Variants in LINGO2 observed in about 807,000 individuals in gnomAD.
The protein encoded by LINGO2 is leucine rich repeat and Ig domain containing 2.
Under a neutral mutation model 30.6 loss-of-function variants are expected in LINGO2, and 14 were observed. The observed-to-expected ratio is 0.46, with a 90% CI of 0.30 to 0.72. The LOEUF (loss-of-function observed/expected upper bound fraction) is 0.72, where lower values mean the gene tolerates loss of function less well. Ranked by LOEUF, LINGO2 falls within the 30% of genes least tolerant of loss-of-function variation. The probability of loss-of-function intolerance (pLI) is 0.07; values close to 1 mark genes in which losing one functional copy is unlikely to be tolerated. For synonymous variants in LINGO2, 317 were observed against 288.5 expected (o/e 1.10, Z -1.00); for missense variants, 729 against 751.7 (o/e 0.97, Z 0.35).
chr9:28,861,066 T>C, the LINGO2 span, among the ~76,000 whole-genome samples: 1 of 88,468 alleles, frequency 1.1e-5, no homozygotes. Flanking sequence ...ATATGTATTA[T>C]TAATATATAA....
chr9:28,482,356 G>C (rs1826005114), intron 1 of LINGO2, among the ~76,000 whole-genome samples: 1 of 152,094 alleles, frequency 6.6e-6, no homozygotes, highest in Admixed American at 6.5e-5. Flanking sequence ...GTTTTGATTT[G>C]CATTTCTCTG....
At chr9:28,749,200 C>T in the LINGO2 span, among the ~76,000 whole-genome samples, 7 of 152,056 alleles carry the variant, frequency 4.6e-5, no homozygotes, top group East Asian at 1.9e-4. Context: ...ATTTCCCACA[C>T]GCATTAGAAT....
intron 4 of LINGO2, among the ~76,000 whole-genome samples, chr9:28,068,382 T>G (rs184398810): frequency 4.7e-4 from 71 of 152,216 alleles, no homozygotes; most frequent in African/African-American, 1.4e-3. Context: ...GGAGAGAAAA[T>G]GAGCAAGCTC....
intron 4 of LINGO2, among the ~76,000 whole-genome samples, chr9:28,201,591 C>A (rs1210651924): frequency 6.6e-6 from 1 of 150,940 alleles, no homozygotes; most frequent in East Asian, 2.0e-4. Flanking sequence ...TGGGTATATA[C>A]CCAGTAATGG....
At chr9:29,189,512 C>T in the LINGO2 span, among the ~76,000 whole-genome samples, 2 of 151,540 alleles carry the variant, frequency 1.3e-5, no homozygotes, top group Middle Eastern at 3.2e-3. Flanking sequence ...GGCAGAGGTG[C>T]TCCCCACATC....
intron 2 of LINGO2, among the ~76,000 whole-genome samples, chr9:28,467,552 C>T (rs534230011): frequency 6.6e-6 from 1 of 152,276 alleles, no homozygotes; most frequent in African/African-American, 2.4e-5. Flanking sequence ...CATGCATTTT[C>T]TCCTTCAAAA....
At chr9:29,119,898 T>A in the LINGO2 span, among the ~76,000 whole-genome samples, 1 of 152,142 alleles carries the variant, frequency 6.6e-6, no homozygotes, top group African/African-American at 2.4e-5. Context: ...TCAACCATAA[T>A]AACTTTATAT....
At chr9:28,688,023 G>C in the LINGO2 span, among the ~76,000 whole-genome samples, 5 of 152,254 alleles carry the variant, frequency 3.3e-5, no homozygotes, top group Middle Eastern at 3.4e-3. Flanking sequence ...AAAAAGTTTA[G>C]TTAACTTTGA....
chr9:28,006,553 T>C (rs1440549097), intron 5 of LINGO2, among the ~76,000 whole-genome samples: 1 of 152,174 alleles, frequency 6.6e-6, no homozygotes, highest in East Asian at 1.9e-4. Flanking sequence ...CAGAATTTTT[T>C]TATTAGGAAA....
At chr9:29,015,557 T>C in the LINGO2 span, among the ~76,000 whole-genome samples, 2 of 152,138 alleles carry the variant, frequency 1.3e-5, no homozygotes, top group Non-Finnish European at 2.9e-5. Context: ...ATTTACAAAA[T>C]AGACAGCAGG....
chr9:28,820,442 C>G, the LINGO2 span, among the ~76,000 whole-genome samples: 16 of 152,264 alleles, frequency 1.1e-4, no homozygotes, highest in South Asian at 1.0e-3. Flanking sequence ...AGCAGTATAA[C>G]AGCTTTAAAA....
At chr9:28,358,550 T>C (rs142141084) in intron 3 of LINGO2, among the ~76,000 whole-genome samples, 1 of 152,242 alleles carries the variant, frequency 6.6e-6, no homozygotes, top group Non-Finnish European at 1.5e-5. Flanking sequence ...AGAATTCAGA[T>C]ACACCTTAGT....
At chr9:28,673,153 G>A (rs1039468603), upstream of LINGO2, among the ~76,000 whole-genome samples, 7 of 152,054 alleles carry the variant, frequency 4.6e-5, no homozygotes, top group Non-Finnish European at 1.0e-4. Flanking sequence ...TTCCTTCAGA[G>A]TTTTGTGGGT....
the LINGO2 span, among the ~76,000 whole-genome samples, chr9:29,199,200 T>A: frequency 0.045 from 6,915 of 152,112 alleles, 238 homozygotes; most frequent in Admixed American, 0.08. Flanking sequence ...GAGACTCCCA[T>A]CCCAGTTCAG....
chr9:28,592,266 C>T (rs1026683764), intron 1 of LINGO2, among the ~76,000 whole-genome samples: 18 of 152,128 alleles, frequency 1.2e-4, no homozygotes, highest in Non-Finnish European at 2.5e-4. Context: ...AAGAAGGAAG[C>T]TGGGTTGGAG....
intron 4 of LINGO2, among the ~76,000 whole-genome samples, chr9:28,227,680 T>C (rs1001195492): frequency 2.0e-5 from 3 of 152,180 alleles, no homozygotes; most frequent in Middle Eastern, 3.4e-3. Flanking sequence ...TTAGAATCCC[T>C]CTAGTTAACA....
the LINGO2 span, among the ~76,000 whole-genome samples, chr9:29,187,631 T>C: frequency 6.6e-6 from 1 of 152,164 alleles, no homozygotes; most frequent in Non-Finnish European, 1.5e-5. Context: ...TATTGTTAGG[T>C]GCTTAAGTGG....
the LINGO2 span, among the ~76,000 whole-genome samples, chr9:29,109,493 T>G: frequency 6.6e-6 from 1 of 152,186 alleles, no homozygotes; most frequent in Non-Finnish European, 1.5e-5. Context: ...ATGAATTACC[T>G]ATATATAAGG....
chr9:28,956,897 T>C, the LINGO2 span, among the ~76,000 whole-genome samples: 1 of 151,462 alleles, frequency 6.6e-6, no homozygotes, highest in South Asian at 2.1e-4. Context: ...ACAGAATTTC[T>C]TTCTCTTTTT....
Sources: allele counts gnomAD v4.1 joint callset (sites outside exome capture counted in the v4.1 genomes callset), GRCh38; gene constraint gnomAD v4.1.1; transcripts MANE v1.5; gene names NCBI Gene and HGNC (gene_info 2026-07-23, HGNC 2026-07-21).